The following ERCC8 variants were observed in gnomAD, a reference collection of about 807,000 sequenced individuals.
The protein encoded by ERCC8 is ERCC excision repair 8, CSA ubiquitin ligase complex subunit.
A neutral mutation model predicts 54.9 loss-of-function variants in ERCC8; 52 were observed. That is an observed-to-expected ratio of 0.95 (90% CI 0.76 to 1.19). The LOEUF is 1.19. Ranked by LOEUF, ERCC8 falls within the 50% of genes most tolerant of loss-of-function variation. The probability of loss-of-function intolerance (pLI) is 0.00; values close to 1 mark genes in which losing one functional copy is unlikely to be tolerated. For missense variants in ERCC8, 514 were observed against 466.1 expected, an observed-to-expected ratio of 1.10 and a Z score of -0.95; for synonymous variants, 146 against 157.2, an observed-to-expected ratio of 0.93 and a Z score of 0.53.
intron 9 of ERCC8, chr5:60,892,723 C>A: frequency 1.4e-6 from 1 of 694,844 alleles, no homozygotes. Flanking sequence ...AGGATGGTGC[C>A]CACCTCTGAG....
chr5:60,872,991 T>C lies in ERCC8; in HGVS notation c.*1624A>G, dbSNP rs1425884852. ...CAGCTGATCTCATAGAAGTAGAGAG[T>C]AGAATGGTGGTTACCAGGAGCTAGG... On this transcript the variant is annotated 3_prime_UTR_variant, in exon 12 of 12. Transcript: ENST00000676185. Among the ~76,000 whole-genome samples the C allele has an allele frequency of 6.6e-6, 1 of 151,850 alleles. No homozygotes were observed. Among genetic ancestry groups the C allele is most frequent in the Admixed American group, 6.6e-5 (1 of 15,236 alleles).
chr5:60,940,850 C>A (rs1403809650), intron 1 of ERCC8, among the ~76,000 whole-genome samples: 1 of 152,158 alleles, frequency 6.6e-6, no homozygotes, highest in East Asian at 1.9e-4. Context: ...CAAAACAAGA[C>A]CCAGAGTATT....
At chr5:60,902,365 T>C (rs1748925783) in intron 7 of ERCC8, 77 bp downstream of exon 7, 3 of 1,060,338 alleles carry the variant, frequency 2.8e-6, no homozygotes, top group Non-Finnish European at 4.3e-6. Flanking sequence ...CTAAAATATA[T>C]ACATTACATA....
chr5:60,895,921 T>C (rs1360211119), intron 9 of ERCC8, among the ~76,000 whole-genome samples: 7 of 152,244 alleles, frequency 4.6e-5, no homozygotes, highest in Non-Finnish European at 1.0e-4. Flanking sequence ...TTAACTTTTG[T>C]CTTGTCCTTA....
chr5:60,897,891 GT>G (rs1483599153), intron 9 of ERCC8, among the ~76,000 whole-genome samples: 1 of 152,150 alleles, frequency 6.6e-6, no homozygotes, highest in African/African-American at 2.4e-5. Context: ...CACTCAAAAA[GT>G]TTCAGATTTT....
intron 5 of ERCC8, 64 bp from the exon 6 acceptor site, chr5:60,903,780 A>T (rs978185345): frequency 6.7e-7 from 1 of 1,482,206 alleles, no homozygotes; most frequent in African/African-American, 1.4e-5. Context: ...GAAACAAGAC[A>T]TTATCATTAG....
At chr5:60,942,438 T>C (rs991191818) in intron 1 of ERCC8, among the ~76,000 whole-genome samples, 1 of 152,176 alleles carries the variant, frequency 6.6e-6, no homozygotes, top group African/African-American at 2.4e-5. Flanking sequence ...AACTGTGGTA[T>C]ATCTGCACAG....
chr5:60,925,894 G>A (rs1580034816), intron 2 of ERCC8, among the ~76,000 whole-genome samples: 2 of 152,114 alleles, frequency 1.3e-5, no homozygotes, highest in South Asian at 4.1e-4. Context: ...CATGATCTCG[G>A]CTCACTGCAA....
chr5:60,940,100 C>T (rs779562953), intron 1 of ERCC8, among the ~76,000 whole-genome samples: 1 of 152,166 alleles, frequency 6.6e-6, no homozygotes, highest in Non-Finnish European at 1.5e-5. Flanking sequence ...AATCTCTTAT[C>T]ATTTTCATTA....
At chr5:60,920,093 TGA>T (rs1396859516) in intron 3 of ERCC8, among the ~76,000 whole-genome samples, 1 of 151,872 alleles carries the variant, frequency 6.6e-6, no homozygotes, top group Admixed American at 6.6e-5. Context: ...GCTGAGGAGT[TGA>T]GAGTCTGCGT....
chr5:60,894,363 G>A (rs1748662579), intron 9 of ERCC8, among the ~76,000 whole-genome samples: 1 of 151,832 alleles, frequency 6.6e-6, no homozygotes, highest in African/African-American at 2.4e-5. Flanking sequence ...TTTAGAATGG[G>A]GTAATAACTG....
intron 4 of ERCC8, among the ~76,000 whole-genome samples, chr5:60,906,758 T>G (rs13359074): frequency 3.3e-5 from 5 of 149,966 alleles, no homozygotes; most frequent in African/African-American, 1.3e-4. Context: ...AATAAATAAA[T>G]AAACAAATAC....
chr5:60,918,380 GGAT>G lies in ERCC8; in HGVS notation c.281_283del (p.His94del). On this transcript the variant is annotated inframe_deletion, in exon 4 of 12. Transcript: ENST00000676185. ...CTCCACACTGTATCTGTGAACATCA[GGAT>G]GATCTCTACAAAACAGCAATCAAAA... 1 of 1,610,168 alleles carries G rather than the reference GGAT, an allele frequency of 6.2e-7. No homozygotes were observed. The highest frequency in any genetic ancestry group is 8.5e-7 in the Non-Finnish European group (1 of 1,177,506).
intron 3 of ERCC8, chr5:60,919,404 C>T (rs1159486937): frequency 3.9e-5 from 6 of 151,920 alleles, no homozygotes; most frequent in Non-Finnish European, 5.9e-5. Context: ...AAGACTTCTG[C>T]AACCCTATGC....
chr5:60,913,660 C>G (rs1352501446), intron 4 of ERCC8, among the ~76,000 whole-genome samples: 2 of 152,016 alleles, frequency 1.3e-5, no homozygotes, highest in East Asian at 1.9e-4. Context: ...GCTCTTGCTT[C>G]TCTAGTTCTT....
At position 60,891,049 on chromosome 5, in the gene ERCC8, C is replaced by T. The variant is rs1266795936; in HGVS notation, c.881G>A (p.Gly294Glu). The T allele has an allele frequency of 3.1e-6, 5 of 1,612,680 alleles. No homozygotes were observed. In the East Asian group the frequency reaches 6.7e-5, roughly 22 times the overall value. The part of the protein sequence containing the change: ...YGKVCNNSKK[G>E]LKFTVSCGCS... Reference sequence around the variant, plus strand: ...GCCACAGGAGACAGTGAATTTCAATCCTTTTTTACTGTTATTACAAACTTT... The same window carrying T: ...GCCACAGGAGACAGTGAATTTCAATTCTTTTTTACTGTTATTACAAACTTT... Residue 294 changes from glycine to glutamate, a missense_variant, in exon 10 of 12, where the codon GGA becomes GAA. Physicochemically the swap from Gly to Glu is moderately conservative, Grantham distance 98. Coordinates refer to ENST00000676185, the MANE Select transcript of ERCC8 (RefSeq NM_000082.4).
intron 1 of ERCC8, among the ~76,000 whole-genome samples, chr5:60,932,945 T>C (rs1749952196): frequency 6.6e-6 from 1 of 152,102 alleles, no homozygotes. Flanking sequence ...CCTGGTGTCT[T>C]TTAAAATCAC....
intron 4 of ERCC8, among the ~76,000 whole-genome samples, chr5:60,911,493 C>G (rs763765479): frequency 6.6e-6 from 1 of 151,528 alleles, no homozygotes; most frequent in Non-Finnish European, 1.5e-5. Flanking sequence ...GGATATTAGC[C>G]CTTTGTCAGA....
intron 1 of ERCC8, among the ~76,000 whole-genome samples, chr5:60,944,583 G>T (rs1275840291): frequency 2.6e-5 from 4 of 152,168 alleles, no homozygotes; most frequent in Non-Finnish European, 5.9e-5. Flanking sequence ...TATGCAGACT[G>T]AATGAATGAA....
Sources: allele counts gnomAD v4.1 joint callset (sites outside exome capture counted in the v4.1 genomes callset), GRCh38; gene constraint gnomAD v4.1.1; transcripts MANE v1.5; gene names NCBI Gene and HGNC (gene_info 2026-07-23, HGNC 2026-07-21).